The following CCDC157 variants were observed in gnomAD, a reference collection of about 807,000 sequenced individuals.
CCDC157 encodes the protein coiled-coil domain-containing protein 157.
A neutral mutation model predicts 70.9 loss-of-function variants in CCDC157; 60 were observed. That is an observed-to-expected ratio of 0.85 (90% CI 0.69 to 1.05). The LOEUF is 1.05. Among genes scored for constraint, CCDC157 ranks in the 50% least tolerant of loss-of-function variants. The probability of loss-of-function intolerance (pLI) is 0.00; values close to 1 mark genes in which losing one functional copy is unlikely to be tolerated. For synonymous variants in CCDC157, 373 were observed against 422.4 expected (o/e 0.88, Z 1.43); for missense variants, 943 against 984.2 (o/e 0.96, Z 0.56).
At chr22:30,369,275 T>G in intron 3 of CCDC157, 157 bp from the exon 4 acceptor site, 1 of 587,832 alleles carries the variant, frequency 1.7e-6, no homozygotes, top group Non-Finnish European at 2.6e-6. Flanking sequence ...AAGTAGCCCC[T>G]GGGTTAGGTT....
At chr22:30,368,418 TG>T (rs1384389239) in intron 3 of CCDC157, among the ~76,000 whole-genome samples, 1 of 152,226 alleles carries the variant, frequency 6.6e-6, no homozygotes, top group East Asian at 1.9e-4. Context: ...GTTAGAGTGG[TG>T]TAGCATTGAG....
chr22:30,363,079 G>A (rs925187514), intron 2 of CCDC157, among the ~76,000 whole-genome samples: 5 of 152,182 alleles, frequency 3.3e-5, no homozygotes, highest in Non-Finnish European at 5.9e-5. Context: ...CTGGAACTCA[G>A]CATCCGCATA....
rs1364375422 is a variant in CCDC157 at position 30,373,946 on chromosome 22, G to A, written c.1527G>A (p.Arg509=). ...AQQELLQSLQ[R]EKQGLEQATT... ...AGGAGCTGCTGCAGAGCCTGCAGAG[G>A]GAGAAGCAAGGCCTGGAGCAGGCGA... The change falls in exon 9 of 12, where the codon AGG becomes AGA. Residue 509 remains arginine (R), a synonymous_variant. Transcript: ENST00000338306. 1.2e-6 allele frequency: 2 copies of A among 1,612,102 alleles called. No homozygotes were observed. The highest frequency in any genetic ancestry group is 1.7e-6 in the Non-Finnish European group (2 of 1,179,260).
chr22:30,366,554 G>C (rs1601725616), intron 3 of CCDC157: 1 of 439,894 alleles, frequency 2.3e-6, no homozygotes, highest in East Asian at 4.4e-5. Context: ...GCCTCTCCCA[G>C]CTGCCTCCTC....
Position 30,373,962 on chromosome 22 carries a change from G to A in CCDC157, c.1543G>A (p.Glu515Lys), listed in dbSNP as rs1933143917. Residue 515 changes from glutamate to lysine, a missense_variant, in exon 9 of 12, where the codon GAG becomes AAG. By Grantham distance (56) the Glu-to-Lys change is moderately conservative. Coordinates refer to ENST00000338306, the MANE Select transcript of CCDC157 (RefSeq NM_001017437.5). ...CCTGCAGAGGGAGAAGCAAGGCCTG[G>A]AGCAGGCGACTACGGACCTGCGGCT... is the stretch of plus-strand genomic sequence containing the variant. ...QSLQREKQGLEQATTDLRLTI... is the reference protein window; with the variant it reads ...QSLQREKQGLKQATTDLRLTI... 6 of 1,612,836 alleles carry A rather than the reference G, an allele frequency of 3.7e-6. No homozygotes were observed. Among genetic ancestry groups the A allele is most frequent in the Non-Finnish European group, 5.1e-6 (6 of 1,179,570 alleles).
intron 2 of CCDC157, among the ~76,000 whole-genome samples, chr22:30,363,999 TA>T (rs1054397055): frequency 2.7e-5 from 4 of 150,574 alleles, no homozygotes; most frequent in South Asian, 2.1e-4. Flanking sequence ...TTTCTTAGCA[TA>T]AAAAAAAAGG....
Position 30,378,434 on chromosome 22 carries a change from G to T in CCDC157, c.*1689G>T, listed in dbSNP as rs904312096. On this transcript the variant is annotated 3_prime_UTR_variant, in exon 12 of 12. Coordinates refer to ENST00000338306, the MANE Select transcript of CCDC157 (RefSeq NM_001017437.5). ...ACCTGAGATCGGGAGTTCGAGACCAGCCTGACCAACATGGAGAAACCCCGT... is the reference window on the plus strand; with the variant it reads ...ACCTGAGATCGGGAGTTCGAGACCATCCTGACCAACATGGAGAAACCCCGT... The T allele has an allele frequency of 2.0e-5, 4 of 196,820 alleles. No homozygotes were observed. Among genetic ancestry groups the T allele is most frequent in the Non-Finnish European group, 4.3e-5 (4 of 92,644 alleles). 12.2% of individuals were successfully genotyped at this position (196,820 alleles called of 1,614,324 possible).
At chr22:30,363,007 T>C (rs1288373456) in intron 2 of CCDC157, among the ~76,000 whole-genome samples, 1 of 152,032 alleles carries the variant, frequency 6.6e-6, no homozygotes, top group African/African-American at 2.4e-5. Context: ...TGCAAGGAGG[T>C]ACTTCCTGCT....
In CCDC157 at chr22:30,374,010, G is replaced by C; in HGVS notation, c.1591G>C (p.Glu531Gln). The C allele has an allele frequency of 6.2e-7, 1 of 1,611,930 alleles. No homozygotes were observed. Among genetic ancestry groups the C allele is most frequent in the Non-Finnish European group, 8.5e-7 (1 of 1,179,292 alleles). ...LRLTILELER[E>Q]LEELKERERL... ...GCTAACCATCCTGGAGCTAGAACGG[G>C]AGCTGGAGGAGCTGAAGGAGCGGGA... is the stretch of plus-strand genomic sequence containing the variant. The change falls in exon 9 of 12, where the codon GAG becomes CAG. Residue 531 changes from glutamate to glutamine, a missense_variant. Coordinates refer to ENST00000338306, the MANE Select transcript of CCDC157 (RefSeq NM_001017437.5).
intron 1 of CCDC157, among the ~76,000 whole-genome samples, chr22:30,359,045 G>A (rs1181820535): frequency 1.3e-5 from 2 of 152,204 alleles, no homozygotes; most frequent in African/African-American, 4.8e-5. Context: ...ATCCAGGATG[G>A]CCCCATGTGG....
chr22:30,361,507 G>GT (rs1437277647), intron 1 of CCDC157, among the ~76,000 whole-genome samples: 9 of 152,166 alleles, frequency 5.9e-5, no homozygotes, highest in Non-Finnish European at 1.3e-4. Flanking sequence ...TGCTTCTGCA[G>GT]TTTTTTGCAT....
chr22:30,376,619 G>C lies in CCDC157; in HGVS notation c.2133G>C (p.Glu711Asp). The C allele has an allele frequency of 1.2e-6, 2 of 1,613,816 alleles. No individual in the cohort carries two copies. The highest frequency in any genetic ancestry group is 1.7e-6 in the Non-Finnish European group (2 of 1,179,984). Residue 711 changes from glutamate (E) to aspartate (D), a missense_variant, in exon 12 of 12, where the codon GAG becomes GAC. Glu to Asp is a conservative substitution (Grantham distance 45). Transcript: ENST00000338306. ...GCCAGCCCAGCAAGTCCTTGCTGGAGGGTGTGACCCACTTGGACACCTGCA... is the reference window on the plus strand; with the variant it reads ...GCCAGCCCAGCAAGTCCTTGCTGGACGGTGTGACCCACTTGGACACCTGCA... ...PCSQPSKSLL[E>D]GVTHLDTCTQ...
Position 30,372,181 on chromosome 22 carries a change from G to C in CCDC157, c.1230G>C (p.Gln410His). 6.3e-7 allele frequency: 1 copy of C among 1,585,138 alleles called. No individual in the cohort carries two copies. The highest frequency in any genetic ancestry group is 1.3e-5 in the African/African-American group (1 of 74,746). Reference protein sequence around the residue: ...EQVQQLEAQVQLLVGRLEGAG... With the variant: ...EQVQQLEAQVHLLVGRLEGAG... ...TGCAGCAGTTGGAGGCGCAGGTGCA[G>C]CTGTTGGTGGGTCGGCTGGAGGGCG... The change falls in exon 7 of 12, where the codon CAG becomes CAC. Residue 410 changes from glutamine to histidine, a missense_variant. By Grantham distance (24) the Gln-to-His change is conservative (BLOSUM62 0). Coordinates refer to ENST00000338306, the MANE Select transcript of CCDC157 (RefSeq NM_001017437.5).
chr22:30,365,654 G>C (rs963190764), intron 2 of CCDC157, among the ~76,000 whole-genome samples: 2 of 152,112 alleles, frequency 1.3e-5, no homozygotes, highest in African/African-American at 4.8e-5. Flanking sequence ...TCAAGGGTTC[G>C]CTTTGGGAGG....
chr22:30,361,578 A>G (rs1932353617), intron 1 of CCDC157, among the ~76,000 whole-genome samples: 1 of 152,168 alleles, frequency 6.6e-6, no homozygotes, highest in South Asian at 2.1e-4. Flanking sequence ...TAGTAGAAAA[A>G]CCTAAAATTG....
chr22:30,371,854 G>T, intron 6 of CCDC157, 127 bp downstream of exon 6: 1 of 901,228 alleles, frequency 1.1e-6, no homozygotes, highest in Admixed American at 2.2e-5. Flanking sequence ...CAGGAGGGTG[G>T]GCCTGACCAA....
In CCDC157 at chr22:30,366,091, C is replaced by T. The variant is rs540507025; in HGVS notation, c.91C>T (p.Arg31Cys). 1.2e-5 allele frequency: 20 copies of T among 1,611,866 alleles called. No individual in the cohort carries two copies. The East Asian group carries it at 2.5e-4, about 20-fold the overall frequency. Residue 31 changes from arginine (R) to cysteine (C), a missense_variant, in exon 3 of 12, where the codon CGC (arginine) becomes TGC (cysteine). Coordinates refer to ENST00000338306, the MANE Select transcript of CCDC157 (RefSeq NM_001017437.5). ...LQGAIVDVFS[R>C]AGPVRFPSWK... Reference sequence around the variant, plus strand: ...GGGTGCCATCGTAGACGTCTTCTCCCGCGCCGGGCCTGTGCGCTTCCCCTC... The same window carrying T: ...GGGTGCCATCGTAGACGTCTTCTCCTGCGCCGGGCCTGTGCGCTTCCCCTC...
chr22:30,357,260 T>G (rs1214379299), intron 1 of CCDC157, 128 bp downstream of exon 1: 1 of 154,904 alleles, frequency 6.5e-6, no homozygotes, highest in East Asian at 1.9e-4. Flanking sequence ...CATTGGTCTC[T>G]CATTTAGGAG....
At position 30,374,653 on chromosome 22, in the gene CCDC157, G is replaced by A. The variant is rs757805687; in HGVS notation, c.1672+562G>A. On this transcript the variant is annotated intron_variant, in intron 9 of 11. Transcript: ENST00000338306. Reference sequence around the variant, plus strand: ...CAGGAAGATGTGCAGTTAGCTGCTCGTGAGACATCATCCAGGCCCTTCTGT... The same window carrying A: ...CAGGAAGATGTGCAGTTAGCTGCTCATGAGACATCATCCAGGCCCTTCTGT... 2.2e-5 allele frequency: 10 copies of A among 456,814 alleles called. No homozygotes were observed. In the East Asian group the frequency reaches 3.5e-4, roughly 16 times the overall value. The allele number at this position is 456,814 out of a possible 1,614,324, so 28.3% of individuals were successfully genotyped here.
Sources: allele counts gnomAD v4.1 joint callset (sites outside exome capture counted in the v4.1 genomes callset), GRCh38; gene constraint gnomAD v4.1.1; transcripts MANE v1.5; gene names NCBI Gene and HGNC (gene_info 2026-07-23, HGNC 2026-07-21).